The following CPLANE1 variants were observed in gnomAD, a reference collection of about 807,000 sequenced individuals.
The protein encoded by CPLANE1 is ciliogenesis and planar polarity effector 1.
A neutral mutation model predicts 362.5 loss-of-function variants in CPLANE1; 263 were observed. That is an observed-to-expected ratio of 0.73 (90% CI 0.66 to 0.80). The LOEUF (loss-of-function observed/expected upper bound fraction) is 0.80, where lower values mean the gene tolerates loss of function less well. CPLANE1 is among the 30% of genes least tolerant of loss of function. CPLANE1 has a pLI of 0.00. For synonymous variants in CPLANE1, 1,212 were observed against 1,302.6 expected, an observed-to-expected ratio of 0.93 and a Z score of 1.50; for missense variants, 3,461 against 3,793.4, an observed-to-expected ratio of 0.91 and a Z score of 2.30.
rs762170195 is a variant in CPLANE1, at chr5:37,169,399, C to T, written c.6625G>A (p.Ala2209Thr). The T allele has an allele frequency of 3.1e-6, 5 of 1,614,044 alleles. No homozygotes were observed. The African/African-American group carries it at 6.7e-5, about 22-fold the overall frequency. The part of the protein sequence containing the change: ...LLSTPSVVQK[A>T]PRLIPHAKTF... ...TTTGCATGTGGGATAAGTCTAGGTG[C>T]CTTCTGAACAACAGAAGGTGTGGAC... The change falls in exon 34 of 53, where the codon GCA (alanine) becomes ACA (threonine). Residue 2209 changes from alanine (A) to threonine (T), a missense_variant. Coordinates refer to ENST00000651892, the MANE Select transcript of CPLANE1 (RefSeq NM_001384732.1).
intron 51 of CPLANE1, among the ~76,000 whole-genome samples, chr5:37,110,043 G>A (rs915196530): frequency 2.0e-5 from 3 of 151,994 alleles, no homozygotes; most frequent in African/African-American, 4.8e-5. Flanking sequence ...AAATCAAATA[G>A]TTTCCTCCCA....
In CPLANE1 at chr5:37,132,406, G is replaced by A. The variant is rs1404169640; in HGVS notation, c.8792+6314C>T. Among the ~76,000 whole-genome samples the A allele has an allele frequency of 1.7e-4, 24 of 139,400 alleles. 1 individual carries two copies. The South Asian group carries it at 2.2e-3, about 13-fold the overall frequency. 91.5% of individuals were successfully genotyped at this position (139,400 alleles called of 152,430 possible). On this transcript the variant is annotated intron_variant, in intron 46 of 52. Coordinates refer to ENST00000651892, the MANE Select transcript of CPLANE1 (RefSeq NM_001384732.1). ...GTCGCCCAGGCTGGAGTGCATTGGC[G>A]CAATCTCGGCTCACTGCAAGCTCCA...
intron 33 of CPLANE1, 90 bp downstream of exon 33, chr5:37,169,951 T>A (rs1178823231): frequency 7.7e-7 from 1 of 1,306,498 alleles, no homozygotes; most frequent in Admixed American, 2.1e-5. Context: ...GGTCTCGAAC[T>A]CCCAACCTCA....
intron 46 of CPLANE1, chr5:37,138,483 T>C (rs1226231505): frequency 1.6e-6 from 1 of 634,070 alleles, no homozygotes; most frequent in Non-Finnish European, 3.0e-6. Context: ...AGAGACAGGA[T>C]TAAATGTATG....
At chr5:37,215,777 G>A (rs1482643815) in intron 15 of CPLANE1, among the ~76,000 whole-genome samples, 1 of 145,092 alleles carries the variant, frequency 6.9e-6, no homozygotes, top group East Asian at 2.0e-4. Context: ...GATAAACGGG[G>A]CAGGGCTTAC....
the CPLANE1 span, among the ~76,000 whole-genome samples, chr5:37,094,970 C>T: frequency 6.6e-6 from 1 of 152,068 alleles, no homozygotes; most frequent in African/African-American, 2.4e-5. Flanking sequence ...AAGTCCAGGA[C>T]CAGACGGATT....
chr5:37,178,507 G>T (rs1257187063), intron 29 of CPLANE1, among the ~76,000 whole-genome samples: 1 of 150,998 alleles, frequency 6.6e-6, no homozygotes, highest in Non-Finnish European at 1.5e-5. Flanking sequence ...CAGCTACTTG[G>T]GAGGCTGAGG....
chr5:37,148,416 C>G lies in CPLANE1; in HGVS notation c.8374-148G>C, dbSNP rs184922707. 648 of 480,888 alleles carry G rather than the reference C, an allele frequency of 1.3e-3. 4 individuals carry two copies. Among genetic ancestry groups the G allele is most frequent in the African/African-American group, 0.012 (611 of 50,502 alleles). The allele number at this position is 480,888 out of a possible 1,614,324, so 29.8% of individuals were successfully genotyped here. ...CCAATATAAGCTAAATGGTAGGGAT[C>G]AATAAAACAGAGGAAATTTTTACTT... On this transcript the variant is annotated intron_variant, in intron 42 of 52. Transcript: ENST00000651892.
At chr5:37,193,003 T>TA (rs1786081393) in intron 21 of CPLANE1, among the ~76,000 whole-genome samples, 1 of 151,544 alleles carries the variant, frequency 6.6e-6, no homozygotes, top group Non-Finnish European at 1.5e-5. Context: ...CCCGCCCTAC[T>TA]AAAAAGTACA....
chr5:37,095,802 C>A, the CPLANE1 span, among the ~76,000 whole-genome samples: 1 of 152,078 alleles, frequency 6.6e-6, no homozygotes, highest in Non-Finnish European at 1.5e-5. Flanking sequence ...AGCTGAGAAA[C>A]AAATAAAAAA....
intron 7 of CPLANE1, 127 bp downstream of exon 7, chr5:37,239,586 A>T: frequency 4.5e-6 from 3 of 660,658 alleles, no homozygotes; most frequent in Non-Finnish European, 6.6e-6. Flanking sequence ...CTGTCAAAAA[A>T]AAAAAAAAAA....
chr5:37,119,096 C>T (rs1183315649), intron 50 of CPLANE1, among the ~76,000 whole-genome samples: 1 of 152,108 alleles, frequency 6.6e-6, no homozygotes, highest in Non-Finnish European at 1.5e-5. Flanking sequence ...TTACAAATAA[C>T]TATGTTTTAC....
Position 37,169,563 on chromosome 5 carries a change from T to C in CPLANE1, c.6463-2A>G, listed in dbSNP as rs2150943002. The stretch of plus-strand genomic sequence containing the variant: ...AGGAATACTCCCATGTGGAACATTC[T>C]GGAAGAGAAAAAAGATATTATGTAA... On this transcript the variant is annotated splice_acceptor_variant, in intron 33 of 52. Coordinates refer to ENST00000651892, the MANE Select transcript of CPLANE1 (RefSeq NM_001384732.1). LOFTEE classifies it high-confidence loss of function. The C allele has an allele frequency of 1.3e-6, 2 of 1,575,102 alleles. No homozygotes were observed. Among genetic ancestry groups the C allele is most frequent in the Non-Finnish European group, 1.7e-6 (2 of 1,163,800 alleles).
At chr5:37,233,573 C>A (rs918121089) in intron 8 of CPLANE1, among the ~76,000 whole-genome samples, 1 of 152,030 alleles carries the variant, frequency 6.6e-6, no homozygotes, top group African/African-American at 2.4e-5. Context: ...GCAGCTATGT[C>A]ATGGGGGACT....
intron 52 of CPLANE1, among the ~76,000 whole-genome samples, 164 bp from the exon 53 acceptor site, chr5:37,107,942 A>C (rs1758002817): frequency 6.6e-6 from 1 of 152,236 alleles, no homozygotes; most frequent in South Asian, 2.1e-4. Flanking sequence ...GTGATTGCCC[A>C]GCACATCCAG....
intron 36 of CPLANE1, among the ~76,000 whole-genome samples, chr5:37,164,640 T>C (rs185973717): frequency 6.6e-6 from 1 of 152,320 alleles, no homozygotes; most frequent in African/African-American, 2.4e-5. Flanking sequence ...TCAAAAATCT[T>C]TCATGGACTC....
intron 44 of CPLANE1, chr5:37,141,666 A>G: frequency 1.0e-6 from 1 of 983,562 alleles, no homozygotes; most frequent in Non-Finnish European, 1.2e-6. Context: ...TTGACCATCA[A>G]TATCTGAGAG....
intron 35 of CPLANE1, 150 bp from the exon 36 acceptor site, chr5:37,165,821 A>G: frequency 1.4e-6 from 1 of 704,896 alleles, no homozygotes; most frequent in South Asian, 2.0e-5. Flanking sequence ...TATTCTGCAA[A>G]TACAAGCAAA....
chr5:37,101,763 T>G (rs573834083), downstream of CPLANE1, among the ~76,000 whole-genome samples: 155 of 152,326 alleles, frequency 1.0e-3, no homozygotes, highest in Non-Finnish European at 1.8e-3. Flanking sequence ...TATTTGTAAG[T>G]GACTCAATTT....
Sources: gnomAD v4.1 joint callset for allele counts (sites outside exome capture counted in the v4.1 genomes callset) on GRCh38, gnomAD v4.1.1 for gene constraint, MANE v1.5 for transcripts, NCBI Gene and HGNC (gene_info 2026-07-23, HGNC 2026-07-21) for gene names.